MRTFB: variants seen among roughly 807,000 people sequenced by gnomAD.
MRTFB encodes myocardin related transcription factor B.
MRTFB carries 29 observed loss-of-function variants against 104.2 expected under a neutral mutation model. The ratio of observed to expected loss-of-function variants is 0.28; its 90% CI spans 0.21 to 0.38. The LOEUF (loss-of-function observed/expected upper bound fraction) is 0.38, where lower values mean the gene tolerates loss of function less well. MRTFB is among the 10% of genes least tolerant of loss of function. MRTFB has a pLI of 1.00. For synonymous variants in MRTFB, 535 were observed against 519.5 expected (o/e 1.03, Z -0.41); for missense variants, 1,270 against 1,341.6 (o/e 0.95, Z 0.83).
the MRTFB span, among the ~76,000 whole-genome samples, chr16:14,017,954 C>G: frequency 1.2e-4 from 18 of 151,358 alleles, no homozygotes; most frequent in African/African-American, 4.1e-4. Flanking sequence ...ACTCAAGGCC[C>G]CAAGCAATCC....
the MRTFB span, among the ~76,000 whole-genome samples, chr16:14,032,583 T>C: frequency 6.6e-6 from 1 of 152,186 alleles, no homozygotes; most frequent in African/African-American, 2.4e-5. Context: ...TAGCAAATTA[T>C]TGAACCTGAG....
At chr16:14,125,979 A>G (rs1053604841) in intron 2 of MRTFB, among the ~76,000 whole-genome samples, 1 of 152,224 alleles carries the variant, frequency 6.6e-6, no homozygotes, top group Admixed American at 6.5e-5. Context: ...TTCAAGGACT[A>G]CACTCAAACT....
At chr16:14,227,951 T>TAAAA (rs369511525) in intron 8 of MRTFB, among the ~76,000 whole-genome samples, 5,233 of 134,482 alleles carry the variant, frequency 0.039, 118 homozygotes, top group Middle Eastern at 0.073. Context: ...CAGTCTATCT[T>TAAAA]AAAAAAAAAA....
chr16:14,246,806 A>G lies in MRTFB; in HGVS notation c.1546A>G (p.Ser516Gly). 1.2e-6 allele frequency: 2 copies of G among 1,613,466 alleles called. No homozygotes were observed. Among genetic ancestry groups the G allele is most frequent in the East Asian group, 2.2e-5 (1 of 44,892 alleles). The change falls in exon 12 of 17, where the codon AGT becomes GGT. Residue 516 changes from serine (S) to glycine (G), a missense_variant. Ser to Gly is a moderately conservative substitution (Grantham distance 56). This residue lies in a region of MRTFB where 1,144 missense variants were observed against 1,131.5 expected (regional missense o/e 1.01). Coordinates refer to ENST00000571589, the MANE Select transcript of MRTFB (RefSeq NM_001308142.2). ...ATCTCCCTCCGAACAGTCCAGTCTC[A>G]GTACTGATGACACAAACATGGCAGA... is the stretch of plus-strand genomic sequence containing the variant. ...SPSPSEQSSL[S>G]TDDTNMADTF...
At chr16:14,021,201 G>A in the MRTFB span, 1 of 152,310 alleles carries the variant, frequency 6.6e-6, no homozygotes, top group East Asian at 1.9e-4. Flanking sequence ...AGTCTCACAA[G>A]GATAAGATCA....
chr16:14,031,776 T>G, the MRTFB span, among the ~76,000 whole-genome samples: 1 of 152,110 alleles, frequency 6.6e-6, no homozygotes, highest in Admixed American at 6.6e-5. Context: ...CAAGGCCCTT[T>G]CATCCATACC....
chr16:14,153,495 C>T (rs903641229), intron 3 of MRTFB, among the ~76,000 whole-genome samples: 5 of 152,244 alleles, frequency 3.3e-5, no homozygotes, highest in Middle Eastern at 3.4e-3. Flanking sequence ...GATTGCTCAG[C>T]GCTTTCTGAA....
chr16:14,260,857 T>C, intron 16 of MRTFB, 52 bp from the exon 17 acceptor site: 1 of 1,473,006 alleles, frequency 6.8e-7, no homozygotes, highest in Non-Finnish European at 9.2e-7. Context: ...AATAAAAATT[T>C]TTAAGTAGTA....
chr16:14,035,283 G>A, the MRTFB span, among the ~76,000 whole-genome samples: 9 of 152,204 alleles, frequency 5.9e-5, no homozygotes. Context: ...ACAACAGAGA[G>A]GCACAGCCAG....
At chr16:14,032,160 G>T in the MRTFB span, among the ~76,000 whole-genome samples, 3 of 152,172 alleles carry the variant, frequency 2.0e-5, no homozygotes, top group Non-Finnish European at 4.4e-5. Flanking sequence ...TCAGGATGGG[G>T]GCTGGCTGCC....
chr16:14,111,929 A>ACGGTGGCTGGG (rs946952590), intron 2 of MRTFB, among the ~76,000 whole-genome samples: 1 of 152,122 alleles, frequency 6.6e-6, no homozygotes, highest in African/African-American at 2.4e-5. Context: ...GTCCCTCCAT[A>ACGGTGGCTGGG]CGGTGGCTGG....
intron 1 of MRTFB, among the ~76,000 whole-genome samples, chr16:14,078,668 G>A (rs991149991): frequency 2.6e-5 from 4 of 151,410 alleles, no homozygotes; most frequent in South Asian, 4.2e-4. Flanking sequence ...GGGCTCAAGC[G>A]ATTTGCCCAC....
At chr16:14,005,214 T>C in the MRTFB span, among the ~76,000 whole-genome samples, 1 of 152,236 alleles carries the variant, frequency 6.6e-6, no homozygotes, top group African/African-American at 2.4e-5. Flanking sequence ...TTTCTTTGTT[T>C]TTTAAAGTAA....
intron 2 of MRTFB, among the ~76,000 whole-genome samples, chr16:14,123,966 C>A (rs1221169577): frequency 6.6e-6 from 1 of 152,128 alleles, no homozygotes; most frequent in African/African-American, 2.4e-5. Context: ...TCTAGTTCTC[C>A]TTGAAGAGAT....
chr16:14,080,329 T>C (rs1240982456), intron 2 of MRTFB, among the ~76,000 whole-genome samples: 1 of 152,246 alleles, frequency 6.6e-6, no homozygotes, highest in Admixed American at 6.5e-5. Flanking sequence ...TTAATGTATA[T>C]GTAACTTTTT....
intron 2 of MRTFB, among the ~76,000 whole-genome samples, chr16:14,109,247 T>A (rs1244307623): frequency 6.6e-6 from 1 of 152,208 alleles, no homozygotes; most frequent in Non-Finnish European, 1.5e-5. Context: ...TTCCTCACTC[T>A]AAGTTCAAGG....
intron 5 of MRTFB, 88 bp from the exon 6 acceptor site, chr16:14,213,457 C>A: frequency 1.1e-6 from 1 of 884,428 alleles, no homozygotes; most frequent in Non-Finnish European, 1.7e-6. Context: ...ATAAGCGTAT[C>A]GTTTATTTAA....
chr16:14,116,085 C>T (rs563611232), intron 2 of MRTFB, among the ~76,000 whole-genome samples: 77 of 152,254 alleles, frequency 5.1e-4, no homozygotes, highest in African/African-American at 1.5e-3. Context: ...AGATGGGGCA[C>T]GCATTTCTTA....
intron 3 of MRTFB, among the ~76,000 whole-genome samples, chr16:14,194,534 TAAC>T (rs1429556769): frequency 6.6e-6 from 1 of 152,218 alleles, no homozygotes; most frequent in Non-Finnish European, 1.5e-5. Context: ...GTTCAGTCTA[TAAC>T]AGCAGTGAAT....
Sources: allele counts gnomAD v4.1 joint callset (sites outside exome capture counted in the v4.1 genomes callset), GRCh38; gene constraint gnomAD v4.1.1; regional missense constraint gnomAD v4.1.1; transcripts MANE v1.5; gene names NCBI Gene and HGNC (gene_info 2026-07-23, HGNC 2026-07-21).